ATOSB: variants seen among roughly 807,000 people sequenced by gnomAD.
ATOSB encodes the protein atos homolog protein B.
the ATOSB span, among the ~76,000 whole-genome samples, chr9:35,113,508 C>T: frequency 1.3e-5 from 2 of 152,138 alleles, no homozygotes; most frequent in African/African-American, 4.8e-5. Flanking sequence ...CCTGTAATCC[C>T]AGCTACTCAG....
the ATOSB span, chr9:35,104,526 C>G: frequency 9.2e-6 from 2 of 216,468 alleles, no homozygotes; most frequent in Non-Finnish European, 2.2e-5. Flanking sequence ...TGGTTAACCC[C>G]TGTGTGTGTG....
At chr9:35,105,240 C>T in the ATOSB span, 4 of 1,613,288 alleles carry the variant, frequency 2.5e-6, no homozygotes, top group African/African-American at 4.0e-5. This position sits in a 1 kb window ranked among gnomAD's most constrained non-coding sequence, Gnocchi z 5.5. Context: ...AGGTGAATAA[C>T]GTGGATTATG....
At chr9:35,106,498 TC>T in the ATOSB span, 6 of 1,600,600 alleles carry the variant, frequency 3.7e-6, no homozygotes, top group Non-Finnish European at 4.3e-6. The surrounding 1 kb of genome is among the most constrained non-coding windows in gnomAD (Gnocchi z 4.6). Flanking sequence ...ATCCCACCTC[TC>T]CCAGGACCCC....
the ATOSB span, among the ~76,000 whole-genome samples, chr9:35,111,742 C>T: frequency 6.6e-6 from 1 of 152,196 alleles, no homozygotes; most frequent in Non-Finnish European, 1.5e-5. Flanking sequence ...AGGCACGCCC[C>T]CTCCAAGAGG....
chr9:35,106,815 A>T, the ATOSB span: 2 of 1,561,802 alleles, frequency 1.3e-6, no homozygotes, highest in Non-Finnish European at 1.7e-6. This position sits in a 1 kb window ranked among gnomAD's most constrained non-coding sequence, Gnocchi z 4.6. Flanking sequence ...AGGGTAGAGG[A>T]AAAAGCTGGT....
the ATOSB span, among the ~76,000 whole-genome samples, chr9:35,113,730 C>T: frequency 1.3e-5 from 2 of 151,844 alleles, no homozygotes; most frequent in Admixed American, 6.6e-5. Flanking sequence ...TTTTATATAG[C>T]GGTTATCACT....
chr9:35,108,630 C>G, the ATOSB span: 1 of 1,051,540 alleles, frequency 9.5e-7, no homozygotes, highest in Non-Finnish European at 1.1e-6. Context: ...TGTGCGTCCC[C>G]TCTTCCCAAC....
chr9:35,113,869 A>T, the ATOSB span, among the ~76,000 whole-genome samples: 13 of 152,162 alleles, frequency 8.5e-5, no homozygotes, highest in African/African-American at 3.1e-4. Flanking sequence ...GGCAATGTTC[A>T]ATAAACATTG....
the ATOSB span, among the ~76,000 whole-genome samples, chr9:35,112,750 G>A: frequency 6.6e-6 from 1 of 152,142 alleles, no homozygotes; most frequent in African/African-American, 2.4e-5. Context: ...GCAAACACCA[G>A]AGCCAAAGAG....
At chr9:35,106,917 G>A in the ATOSB span, 2 of 1,554,928 alleles carry the variant, frequency 1.3e-6, no homozygotes, top group South Asian at 1.2e-5. This position sits in a 1 kb window ranked among gnomAD's most constrained non-coding sequence, Gnocchi z 4.6. Flanking sequence ...ATTGGGAAAA[G>A]ACACAGGGTG....
the ATOSB span, chr9:35,106,973 A>G: frequency 8.0e-7 from 1 of 1,251,826 alleles, no homozygotes; most frequent in Non-Finnish European, 1.1e-6. This position sits in a 1 kb window ranked among gnomAD's most constrained non-coding sequence, Gnocchi z 4.6. Flanking sequence ...AAACTCTCAA[A>G]GGAACACCCT....
the ATOSB span, chr9:35,110,960 A>T: frequency 6.6e-6 from 1 of 152,126 alleles, no homozygotes; most frequent in Non-Finnish European, 1.5e-5. Context: ...ATACATCCAC[A>T]CAAGCTAGGG....
chr9:35,108,501 T>C, the ATOSB span: 3 of 1,253,114 alleles, frequency 2.4e-6, no homozygotes, highest in Admixed American at 1.1e-4. Context: ...ACTAATGGAA[T>C]ATAGAGACCA....
the ATOSB span, chr9:35,106,392 G>A: frequency 5.6e-6 from 9 of 1,614,038 alleles, no homozygotes; most frequent in South Asian, 1.1e-5. The surrounding 1 kb of genome is among the most constrained non-coding windows in gnomAD (Gnocchi z 4.6). Context: ...GGTGCAAAAC[G>A]TCCTCGCAGC....
chr9:35,106,877 G>A, the ATOSB span: 286 of 1,570,310 alleles, frequency 1.8e-4, no homozygotes, highest in Admixed American at 2.9e-4. The surrounding 1 kb of genome is among the most constrained non-coding windows in gnomAD (Gnocchi z 4.6). Flanking sequence ...CCATGGGACC[G>A]CAGTCTGTTG....
chr9:35,108,790 C>A, the ATOSB span: 42 of 589,810 alleles, frequency 7.1e-5, no homozygotes, highest in South Asian at 2.7e-3. Context: ...AGCGGTAAGG[C>A]CTGTCACCAA....
chr9:35,110,850 T>C, the ATOSB span: 1 of 152,200 alleles, frequency 6.6e-6, no homozygotes, highest in Non-Finnish European at 1.5e-5. Flanking sequence ...ATTTCTACCA[T>C]GATCAAGGAG....
chr9:35,105,436 A>T, the ATOSB span: 3 of 1,551,420 alleles, frequency 1.9e-6, no homozygotes, highest in Non-Finnish European at 2.6e-6. This position sits in a 1 kb window ranked among gnomAD's most constrained non-coding sequence, Gnocchi z 5.5. Flanking sequence ...TCATGCCTGT[A>T]ATTCCAGTGC....
chr9:35,111,796 G>T, the ATOSB span, among the ~76,000 whole-genome samples: 3 of 152,174 alleles, frequency 2.0e-5, no homozygotes, highest in Admixed American at 2.0e-4. Flanking sequence ...ACCCAAGGTC[G>T]CTCCGCCCTT....
Sources: allele counts gnomAD v4.1 joint callset (sites outside exome capture counted in the v4.1 genomes callset), GRCh38; gene constraint gnomAD v4.1.1; non-coding constraint Gnocchi (gnomAD v3.1); transcripts MANE v1.5; gene names NCBI Gene and HGNC (gene_info 2026-07-23, HGNC 2026-07-21).